The following BBS9 variants were observed in gnomAD, a reference collection of about 807,000 sequenced individuals.
The protein encoded by BBS9 is protein PTHB1.
In BBS9, 89 loss-of-function variants were observed where a neutral mutation model predicts 117.7. That is an observed-to-expected ratio of 0.76 (90% CI 0.64 to 0.90). BBS9 has a LOEUF of 0.90. Ranked by LOEUF, BBS9 falls within the 40% of genes least tolerant of loss-of-function variation. BBS9 has a pLI of 0.00. For synonymous variants in BBS9, 379 were observed against 370.9 expected (o/e 1.02, Z -0.25); for missense variants, 982 against 1,042.2 (o/e 0.94, Z 0.80).
At chr7:33,310,024 A>G (rs909141631) in intron 9 of BBS9, among the ~76,000 whole-genome samples, 2 of 152,200 alleles carry the variant, frequency 1.3e-5, no homozygotes, top group African/African-American at 4.8e-5. Flanking sequence ...CACAACAAAT[A>G]TCTGTGTGTC....
chr7:33,155,454 CT>C (rs1237523131), intron 3 of BBS9, among the ~76,000 whole-genome samples, 183 bp from the exon 4 acceptor site: 1 of 152,164 alleles, frequency 6.6e-6, no homozygotes. Context: ...ACTTGAGCCT[CT>C]GGGGTTGTCA....
chr7:33,616,486 T>G (rs1388362108), intron 21 of BBS9, among the ~76,000 whole-genome samples: 5 of 141,072 alleles, frequency 3.5e-5, no homozygotes, highest in African/African-American at 1.1e-4. Flanking sequence ...TATATGTGTG[T>G]GTGTGTGTAT....
At chr7:33,419,848 A>T (rs1411013238) in intron 19 of BBS9, among the ~76,000 whole-genome samples, 1 of 151,958 alleles carries the variant, frequency 6.6e-6, no homozygotes, top group Non-Finnish European at 1.5e-5. Context: ...ATTACCTTGA[A>T]TTTTTTTTAG....
chr7:33,295,780 C>T (rs10486526), intron 9 of BBS9, among the ~76,000 whole-genome samples: 3,028 of 152,050 alleles, frequency 0.02, 52 homozygotes, highest in Non-Finnish European at 0.03. Flanking sequence ...TTGATCCAGA[C>T]TGTTAACAAA....
At chr7:33,276,478 G>T (rs1245941111) in intron 9 of BBS9, among the ~76,000 whole-genome samples, 5 of 152,114 alleles carry the variant, frequency 3.3e-5, no homozygotes, top group Non-Finnish European at 7.4e-5. Context: ...TCAGCTCTTA[G>T]CTCATGCTGC....
chr7:33,619,999 A>G (rs1222188407), intron 21 of BBS9, among the ~76,000 whole-genome samples: 1 of 152,142 alleles, frequency 6.6e-6, no homozygotes, highest in Admixed American at 6.5e-5. Flanking sequence ...AATAATAAAG[A>G]TCCGAGCAGA....
At chr7:33,608,088 C>T (rs1180715764), downstream of BBS9, among the ~76,000 whole-genome samples, 2 of 151,936 alleles carry the variant, frequency 1.3e-5, no homozygotes, top group Non-Finnish European at 2.9e-5. Context: ...TTGTTGTTAT[C>T]TTCAAGTCCA....
intron 5 of BBS9, among the ~76,000 whole-genome samples, chr7:33,237,065 A>T (rs2128275715): frequency 6.6e-6 from 1 of 152,306 alleles, no homozygotes; most frequent in East Asian, 1.9e-4. Context: ...TATATTAAAA[A>T]TATAAAATGA....
chr7:33,168,803 CT>C lies in BBS9; in HGVS notation c.329-8667del, dbSNP rs201347621. Among the ~76,000 whole-genome samples the C allele has an allele frequency of 8.1e-3, 1,234 of 151,938 alleles. 22 individuals are homozygous for C. The highest frequency in any genetic ancestry group is 0.029 in the African/African-American group (1,194 of 41,420). ...CTTTCCTCATGAAAAGCATATCTTGCTTTTTTTTATTTATTTTTTATTGTAC... is the reference window on the plus strand; with the variant it reads ...CTTTCCTCATGAAAAGCATATCTTGCTTTTTTTATTTATTTTTTATTGTAC... On this transcript the variant is annotated intron_variant, in intron 4 of 22. Transcript: ENST00000242067.
intron 17 of BBS9, 92 bp downstream of exon 17, chr7:33,367,954 G>C: frequency 9.9e-7 from 1 of 1,010,236 alleles, no homozygotes; most frequent in Non-Finnish European, 1.6e-6. Context: ...CCTGCAAAGG[G>C]TGATGTTCAT....
At chr7:33,429,752 T>C (rs574374646) in intron 19 of BBS9, among the ~76,000 whole-genome samples, 1 of 152,352 alleles carries the variant, frequency 6.6e-6, no homozygotes, top group Non-Finnish European at 1.5e-5. Flanking sequence ...ATTAATTTTA[T>C]GTTTTTATAG....
intron 2 of BBS9, among the ~76,000 whole-genome samples, chr7:33,148,936 T>A (rs991877451): frequency 3.9e-5 from 6 of 152,218 alleles, no homozygotes; most frequent in Non-Finnish European, 8.8e-5. Context: ...AAAGTTTTCA[T>A]GCTCTTTAGC....
intron 21 of BBS9, among the ~76,000 whole-genome samples, chr7:33,611,605 A>T (rs1003081377): frequency 5.0e-5 from 6 of 120,822 alleles, no homozygotes; most frequent in Admixed American, 8.2e-5. Context: ...ATATTATTTA[A>T]TTAATTAATA....
intron 1 of BBS9, among the ~76,000 whole-genome samples, chr7:33,143,030 C>T (rs368061468): frequency 4.1e-4 from 62 of 151,868 alleles, no homozygotes; most frequent in Middle Eastern, 3.4e-3. Flanking sequence ...AGTGCAGTGG[C>T]GCGATCTCGG....
intron 5 of BBS9, among the ~76,000 whole-genome samples, chr7:33,214,744 G>C (rs985424626): frequency 6.6e-6 from 1 of 152,176 alleles, no homozygotes; most frequent in African/African-American, 2.4e-5. Flanking sequence ...TATAGATGGG[G>C]ATAACATTGC....
intron 21 of BBS9, among the ~76,000 whole-genome samples, chr7:33,603,894 G>T (rs113683687): frequency 1.3e-5 from 2 of 152,142 alleles, no homozygotes; most frequent in Non-Finnish European, 2.9e-5. Flanking sequence ...TCAAACCTGG[G>T]ATCTTGCCAC....
rs191642340 is a variant in BBS9, at chr7:33,172,619, A to T, written c.329-4859A>T. ...GACACATAACACACATGGACATGAA[A>T]GATTTTCATTTGCTAGCTTTTAAAT... On this transcript the variant is annotated intron_variant, in intron 4 of 22. Transcript: ENST00000242067. Among the ~76,000 whole-genome samples the T allele has an allele frequency of 7.9e-5, 12 of 152,320 alleles. No homozygotes were observed. In the East Asian group the frequency reaches 2.3e-3, roughly 29 times the overall value.
At chr7:33,396,076 A>C (rs1214749762) in intron 19 of BBS9, among the ~76,000 whole-genome samples, 2 of 152,162 alleles carry the variant, frequency 1.3e-5, no homozygotes, top group African/African-American at 4.8e-5. Context: ...GGTGGTAAGT[A>C]AAAACAAAAC....
At chr7:33,280,505 A>G (rs970706521) in intron 9 of BBS9, among the ~76,000 whole-genome samples, 2 of 152,222 alleles carry the variant, frequency 1.3e-5, no homozygotes, top group African/African-American at 4.8e-5. Flanking sequence ...AGTCACATAA[A>G]TAAGCCTTTC....
Sources: gnomAD v4.1 joint callset for allele counts (sites outside exome capture counted in the v4.1 genomes callset) on GRCh38, gnomAD v4.1.1 for gene constraint, MANE v1.5 for transcripts, NCBI Gene and HGNC (gene_info 2026-07-23, HGNC 2026-07-21) for gene names.